Variants in MCPH1 observed in about 807,000 individuals in gnomAD.
The protein encoded by MCPH1 is microcephalin 1.
MCPH1 carries 104 observed loss-of-function variants against 84.5 expected under a neutral mutation model. The ratio of observed to expected loss-of-function variants is 1.23; its 90% CI spans 1.05 to 1.45. MCPH1 has a LOEUF of 1.45. MCPH1 is among the 40% of genes most tolerant of loss of function. MCPH1 has a pLI of 0.00. For synonymous variants in MCPH1, 514 were observed against 366.8 expected, an observed-to-expected ratio of 1.40 and a Z score of -4.58; for missense variants, 1,498 against 1,005.7, an observed-to-expected ratio of 1.49 and a Z score of -6.62.
intron 9 of MCPH1, among the ~76,000 whole-genome samples, chr8:6,464,161 C>T (rs1037530520): frequency 6.6e-6 from 1 of 152,192 alleles, no homozygotes; most frequent in Non-Finnish European, 1.5e-5. Flanking sequence ...CCAGTGAGCT[C>T]TGTAAGATCG....
intron 13 of MCPH1, among the ~76,000 whole-genome samples, chr8:6,624,723 G>T (rs1428204947): frequency 6.6e-6 from 1 of 152,020 alleles, no homozygotes; most frequent in African/African-American, 2.4e-5. Flanking sequence ...CAATCTGGTA[G>T]CTGCCGCTAT....
intron 9 of MCPH1, among the ~76,000 whole-genome samples, chr8:6,474,763 T>C (rs1307109766): frequency 1.3e-5 from 2 of 152,036 alleles, no homozygotes; most frequent in Non-Finnish European, 2.9e-5. Flanking sequence ...ATTTTTGGAG[T>C]CCAAGATGGG....
At chr8:6,624,783 C>A in intron 13 of MCPH1, 4 of 984,436 alleles carry the variant, frequency 4.1e-6, no homozygotes, top group Non-Finnish European at 3.6e-6. Flanking sequence ...CACACGTAAA[C>A]CTACAGAACA....
intron 8 of MCPH1, among the ~76,000 whole-genome samples, chr8:6,451,109 A>G (rs1295667294): frequency 1.3e-5 from 2 of 152,230 alleles, no homozygotes; most frequent in African/African-American, 4.8e-5. Flanking sequence ...AGTATGTTAA[A>G]TTGTTGCACT....
At chr8:6,486,043 A>C (rs1316642744) in intron 11 of MCPH1, among the ~76,000 whole-genome samples, 1 of 152,134 alleles carries the variant, frequency 6.6e-6, no homozygotes, top group Non-Finnish European at 1.5e-5. Context: ...CTTTTAAATA[A>C]ATTGAATAGT....
At chr8:6,612,630 G>A (rs571156795) in intron 12 of MCPH1, among the ~76,000 whole-genome samples, 87 of 152,312 alleles carry the variant, frequency 5.7e-4, no homozygotes, top group African/African-American at 2.1e-3. Context: ...GGCTCTCTCT[G>A]CCCAGCTGGC....
chr8:6,483,205 G>A (rs1393056833), intron 11 of MCPH1, among the ~76,000 whole-genome samples: 2 of 152,178 alleles, frequency 1.3e-5, no homozygotes, highest in East Asian at 3.8e-4. Flanking sequence ...GACATACAAT[G>A]TTCATGGATT....
At position 6,444,394 on chromosome 8, in the gene MCPH1, T is replaced by G. The variant is rs1055428301; in HGVS notation, c.672T>G (p.Asp224Glu). ...LNISRDTLCS[D>E]EYFAGGLHSS... ...TAGCTCTCCGTTAATGTTTTCCAGATGAATACTTTGCTGGTGGCTTACACT... is the reference window on the plus strand; with the variant it reads ...TAGCTCTCCGTTAATGTTTTCCAGAGGAATACTTTGCTGGTGGCTTACACT... The change falls in exon 8 of 14, where the codon GAT (aspartate) becomes GAG (glutamate). Residue 224 changes from aspartate to glutamate, a missense_variant and splice_region_variant. By Grantham distance (45) the Asp-to-Glu change is conservative. Coordinates refer to ENST00000344683, the MANE Select transcript of MCPH1 (RefSeq NM_024596.5). The G allele has an allele frequency of 6.8e-6, 11 of 1,614,024 alleles. No individual in the cohort carries two copies. In the African/African-American group the frequency reaches 1.2e-4, roughly 18 times the overall value.
At chr8:6,429,765 C>A (rs1055015758) in intron 3 of MCPH1, among the ~76,000 whole-genome samples, 3 of 151,996 alleles carry the variant, frequency 2.0e-5, no homozygotes, top group African/African-American at 7.3e-5. Context: ...CCCCAACTGC[C>A]TTTGCTGAAT....
intron 12 of MCPH1, among the ~76,000 whole-genome samples, chr8:6,515,104 A>C (rs1175443551): frequency 2.0e-5 from 3 of 152,082 alleles, no homozygotes; most frequent in African/African-American, 7.2e-5. Context: ...TTAGAGATTC[A>C]TTATGAATGG....
intron 8 of MCPH1, among the ~76,000 whole-genome samples, chr8:6,447,573 A>C (rs1804582011): frequency 6.6e-6 from 1 of 152,188 alleles, no homozygotes; most frequent in South Asian, 2.1e-4. Flanking sequence ...TTTTTGAGAC[A>C]TAGTCTCGCA....
At chr8:6,500,224 G>A (rs912696934) in intron 12 of MCPH1, 8 of 395,942 alleles carry the variant, frequency 2.0e-5, no homozygotes, top group Admixed American at 3.8e-5. Context: ...TGGGCAGGTA[G>A]TCTTATATCT....
intron 13 of MCPH1, among the ~76,000 whole-genome samples, chr8:6,634,149 A>G (rs920364765): frequency 3.3e-5 from 5 of 152,248 alleles, no homozygotes; most frequent in Non-Finnish European, 7.3e-5. Context: ...ATCTGAAGGC[A>G]TCACACTGAA....
chr8:6,476,731 C>T (rs1286839105), intron 9 of MCPH1, among the ~76,000 whole-genome samples: 1 of 152,158 alleles, frequency 6.6e-6, no homozygotes, highest in African/African-American at 2.4e-5. Flanking sequence ...TGTTCCTTCT[C>T]ATTTACTTCA....
chr8:6,505,303 G>A lies in MCPH1; in HGVS notation c.2214+5374G>A, dbSNP rs577230343. The stretch of plus-strand genomic sequence containing the variant: ...ATATATATGTTATATACATATATAT[G>A]TATATAACATATATATGTTATATAC... On this transcript the variant is annotated intron_variant, in intron 12 of 13. Coordinates refer to ENST00000344683, the MANE Select transcript of MCPH1 (RefSeq NM_024596.5). Among the ~76,000 whole-genome samples the A allele has an allele frequency of 1.2e-4, 3 of 25,324 alleles. 1 individual carries two copies. The East Asian group carries it at 3.4e-3, about 29-fold the overall frequency. 16.6% of individuals were successfully genotyped at this position (25,324 alleles called of 152,430 possible).
At chr8:6,638,703 G>A (rs2911997) in intron 13 of MCPH1, among the ~76,000 whole-genome samples, 40 of 151,832 alleles carry the variant, frequency 2.6e-4, no homozygotes, top group African/African-American at 9.2e-4. Context: ...TCTGTCCTAC[G>A]GCCACATTTT....
chr8:6,490,023 A>G (rs938427172), intron 11 of MCPH1, among the ~76,000 whole-genome samples: 1 of 152,098 alleles, frequency 6.6e-6, no homozygotes, highest in Non-Finnish European at 1.5e-5. Flanking sequence ...TTTTCTTTTA[A>G]CTTGGATCAA....
At chr8:6,480,293 T>A (rs1809032311) in intron 10 of MCPH1, among the ~76,000 whole-genome samples, 1 of 152,064 alleles carries the variant, frequency 6.6e-6, no homozygotes, top group African/African-American at 2.4e-5. Context: ...CCTGGCTAAT[T>A]TTTGTAGTTT....
chr8:6,597,738 C>T (rs1829039344), intron 12 of MCPH1, among the ~76,000 whole-genome samples: 1 of 152,208 alleles, frequency 6.6e-6, no homozygotes, highest in Admixed American at 6.5e-5. Flanking sequence ...TCCTGCTTTT[C>T]TCATCCTCAC....
Sources: allele counts gnomAD v4.1 joint callset (sites outside exome capture counted in the v4.1 genomes callset), GRCh38; gene constraint gnomAD v4.1.1; transcripts MANE v1.5; gene names NCBI Gene and HGNC (gene_info 2026-07-23, HGNC 2026-07-21).